ACER1: variants seen among roughly 807,000 people sequenced by gnomAD.
The protein encoded by ACER1 is alkaline ceramidase 1.
ACER1 carries 28 observed loss-of-function variants against 24.9 expected under a neutral mutation model. That is an observed-to-expected ratio of 1.13 (90% confidence interval 0.83 to 1.54). The LOEUF is 1.54. Among genes scored for constraint, ACER1 ranks in the 40% most tolerant of loss-of-function variants. The probability of loss-of-function intolerance (pLI) is 0.00; values close to 1 mark genes in which losing one functional copy is unlikely to be tolerated. For missense variants in ACER1, 352 were observed against 349.3 expected, an observed-to-expected ratio of 1.01 and a Z score of -0.06; for synonymous variants, 132 against 131.4, an observed-to-expected ratio of 1.00 and a Z score of -0.03.
At chr19:6,309,193 G>A (rs1206551501) in intron 4 of ACER1, among the ~76,000 whole-genome samples, 1 of 151,496 alleles carries the variant, frequency 6.6e-6, no homozygotes, top group South Asian at 2.1e-4. Flanking sequence ...GAGAGACTCT[G>A]TCTCAAAAAT....
At chr19:6,341,426 G>A in the ACER1 span, among the ~76,000 whole-genome samples, 3 of 149,800 alleles carry the variant, frequency 2.0e-5, no homozygotes, top group African/African-American at 5.0e-5. Context: ...TCAGGAAGCT[G>A]AGATGGGAAG....
chr19:6,307,609 C>A (rs1262341156), intron 4 of ACER1, among the ~76,000 whole-genome samples: 2 of 149,108 alleles, frequency 1.3e-5, no homozygotes, highest in Non-Finnish European at 1.5e-5. Context: ...AATAGCAAGA[C>A]CCCATCTCTA....
the ACER1 span, among the ~76,000 whole-genome samples, chr19:6,347,728 C>T: frequency 5.3e-5 from 8 of 151,956 alleles, no homozygotes; most frequent in African/African-American, 1.9e-4. Context: ...TCCGGCTACT[C>T]GGGAGGCTGA....
At chr19:6,355,580 G>A in the ACER1 span, among the ~76,000 whole-genome samples, 26 of 150,818 alleles carry the variant, frequency 1.7e-4, 1 homozygote, top group Admixed American at 3.3e-4. Context: ...GGAGGTGGGG[G>A]TCAGCCCCGC....
chr19:6,318,657 G>T (rs2091615278), intron 1 of ACER1, among the ~76,000 whole-genome samples: 1 of 143,924 alleles, frequency 6.9e-6, no homozygotes, highest in African/African-American at 2.6e-5. Context: ...GTGGTGGCAG[G>T]CGCCTGTAGT....
chr19:6,321,551 T>A (rs1352008257), intron 1 of ACER1, among the ~76,000 whole-genome samples: 1 of 152,136 alleles, frequency 6.6e-6, no homozygotes, highest in Non-Finnish European at 1.5e-5. Flanking sequence ...TTCTTCTCCA[T>A]CCCCAGAACA....
At chr19:6,347,109 A>AAAAAAAATATATATATATATATATATAT in the ACER1 span, among the ~76,000 whole-genome samples, 1 of 113,818 alleles carries the variant, frequency 8.8e-6, no homozygotes, top group African/African-American at 5.1e-5. Context: ...AAAAAAAAAA[A>AAAAAAAATATATATATATATATATATAT]ATATATATAT....
In ACER1 at chr19:6,312,520, G is replaced by A. The variant is rs949569413; in HGVS notation, c.94-21C>T. On this transcript the variant is annotated intron_variant, in intron 1 of 5. Transcript: ENST00000301452. ...GAGAACTGGAGCAGAGAGAGCCATA[G>A]GGAGGAGCTCGTCAGATAGGGGAGA... is the stretch of plus-strand genomic sequence containing the variant. The A allele has an allele frequency of 8.1e-6, 13 of 1,598,086 alleles. No individual in the cohort carries two copies. The African/African-American group carries it at 1.3e-4, about 16-fold the overall frequency.
intron 4 of ACER1, among the ~76,000 whole-genome samples, chr19:6,307,972 A>G (rs893896548): frequency 6.6e-6 from 1 of 151,156 alleles, no homozygotes; most frequent in African/African-American, 2.4e-5. Flanking sequence ...GCCGCCTGTA[A>G]TCCCAGCTAC....
At chr19:6,348,884 T>C in the ACER1 span, among the ~76,000 whole-genome samples, 1 of 151,956 alleles carries the variant, frequency 6.6e-6, no homozygotes. Context: ...GGTGAAAACC[T>C]GTCTCTACTA....
At chr19:6,341,186 C>T in the ACER1 span, among the ~76,000 whole-genome samples, 1 of 149,938 alleles carries the variant, frequency 6.7e-6, no homozygotes, top group Non-Finnish European at 1.5e-5. Context: ...CTGTAACCTC[C>T]ACCTCCAGGG....
At chr19:6,340,143 T>TC in the ACER1 span, among the ~76,000 whole-genome samples, 1 of 151,140 alleles carries the variant, frequency 6.6e-6, no homozygotes, top group African/African-American at 2.4e-5. Flanking sequence ...TAGCCAGGCG[T>TC]GGTGGTGCGT....
intron 1 of ACER1, among the ~76,000 whole-genome samples, chr19:6,331,907 GC>G (rs752710660): frequency 4.6e-5 from 7 of 152,002 alleles, no homozygotes; most frequent in African/African-American, 1.2e-4. Flanking sequence ...GCATGGCATA[GC>G]TGCACTGATC....
At chr19:6,316,391 T>C (rs977939081) in intron 1 of ACER1, among the ~76,000 whole-genome samples, 6 of 152,116 alleles carry the variant, frequency 3.9e-5, no homozygotes, top group African/African-American at 1.4e-4. Context: ...GGAGCTGTGA[T>C]TGTGCCACTT....
intron 1 of ACER1, among the ~76,000 whole-genome samples, chr19:6,331,421 T>C (rs1161945318): frequency 6.9e-6 from 1 of 144,136 alleles, no homozygotes; most frequent in East Asian, 2.3e-4. Flanking sequence ...AGTGCTGGGA[T>C]TACAGGCGTG....
chr19:6,315,134 C>T (rs1393047281), intron 1 of ACER1, among the ~76,000 whole-genome samples: 1 of 151,886 alleles, frequency 6.6e-6, no homozygotes, highest in Non-Finnish European at 1.5e-5. Context: ...CCGCCCGCCT[C>T]GGCCTCCCAA....
chr19:6,349,862 G>A, the ACER1 span, among the ~76,000 whole-genome samples: 6 of 152,136 alleles, frequency 3.9e-5, 1 homozygote, highest in African/African-American at 1.4e-4. Flanking sequence ...TGGGCATGGT[G>A]GTTGGCGCCT....
chr19:6,352,017 C>A, the ACER1 span, among the ~76,000 whole-genome samples: 1 of 150,242 alleles, frequency 6.7e-6, no homozygotes, highest in Admixed American at 6.7e-5. Context: ...GATCACACCA[C>A]TGCACTCCAG....
At chr19:6,310,172 C>T (rs543605861) in intron 3 of ACER1, among the ~76,000 whole-genome samples, 11 of 152,104 alleles carry the variant, frequency 7.2e-5, no homozygotes, top group Non-Finnish European at 1.6e-4. Context: ...GCTGCAAGCT[C>T]CACCTCCCAG....
Sources: allele counts gnomAD v4.1 joint callset (sites outside exome capture counted in the v4.1 genomes callset), GRCh38; gene constraint gnomAD v4.1.1; transcripts MANE v1.5; gene names NCBI Gene and HGNC (gene_info 2026-07-23, HGNC 2026-07-21).